The following ZSWIM5 variants were observed in gnomAD, a reference collection of about 807,000 sequenced individuals.
ZSWIM5 encodes zinc finger SWIM-type containing 5.
Under a neutral mutation model 119.6 loss-of-function variants are expected in ZSWIM5, and 55 were observed. The ratio of observed to expected loss-of-function variants is 0.46; its 90% CI spans 0.37 to 0.58. The LOEUF (loss-of-function observed/expected upper bound fraction) is 0.58. Among genes scored for constraint, ZSWIM5 ranks in the 20% least tolerant of loss-of-function variants. The pLI is 0.00. For missense variants in ZSWIM5, 1,193 were observed against 1,512.8 expected, an observed-to-expected ratio of 0.79 and a Z score of 3.51; for synonymous variants, 537 against 606.9, an observed-to-expected ratio of 0.88 and a Z score of 1.69.
At chr1:45,084,298 C>T (rs1645311959) in intron 2 of ZSWIM5, among the ~76,000 whole-genome samples, 2 of 152,160 alleles carry the variant, frequency 1.3e-5, no homozygotes, top group South Asian at 4.1e-4. Context: ...GATCCAATCA[C>T]CTCCCATCAG....
chr1:45,076,574 T>C (rs1172434308), intron 2 of ZSWIM5, among the ~76,000 whole-genome samples: 3 of 152,174 alleles, frequency 2.0e-5, no homozygotes, highest in Non-Finnish European at 1.5e-5. Flanking sequence ...TGTCTTGAAG[T>C]AGTCTTCTTT....
intron 8 of ZSWIM5, 78 bp from the exon 9 acceptor site, chr1:45,036,377 CAG>C: frequency 1.4e-6 from 2 of 1,456,168 alleles, no homozygotes; most frequent in Admixed American, 2.4e-5. Flanking sequence ...TTTTTTGAGA[CAG>C]AGTCTTGCTC....
chr1:45,143,570 G>A (rs1645743157), intron 1 of ZSWIM5, among the ~76,000 whole-genome samples: 1 of 152,098 alleles, frequency 6.6e-6, no homozygotes, highest in Admixed American at 6.5e-5. Context: ...ATACTAAATG[G>A]TGAAAGACTC....
chr1:45,046,336 A>G (rs900972872), intron 5 of ZSWIM5, among the ~76,000 whole-genome samples: 8 of 152,180 alleles, frequency 5.3e-5, no homozygotes, highest in Non-Finnish European at 7.3e-5. Flanking sequence ...CAGAGAAATA[A>G]AGAGTGGAGA....
intron 1 of ZSWIM5, among the ~76,000 whole-genome samples, chr1:45,138,566 A>C (rs539375335): frequency 6.6e-6 from 1 of 152,090 alleles, no homozygotes; most frequent in South Asian, 2.1e-4. Flanking sequence ...GAGATTTGCA[A>C]CCCACACATA....
intron 1 of ZSWIM5, among the ~76,000 whole-genome samples, chr1:45,173,076 G>A (rs1246260513): frequency 6.6e-6 from 1 of 151,986 alleles, no homozygotes; most frequent in African/African-American, 2.4e-5. Flanking sequence ...GAGGCAGGAG[G>A]ATTGCTTAAG....
At chr1:45,023,400 G>A (rs950418834) in intron 11 of ZSWIM5, among the ~76,000 whole-genome samples, 2 of 149,062 alleles carry the variant, frequency 1.3e-5, no homozygotes, top group Non-Finnish European at 3.0e-5. Flanking sequence ...AAAGACTAGT[G>A]TGATAATACA....
intron 1 of ZSWIM5, among the ~76,000 whole-genome samples, chr1:45,103,367 CTGT>C (rs1176085487): frequency 6.6e-6 from 1 of 152,152 alleles, no homozygotes; most frequent in Admixed American, 6.5e-5. Flanking sequence ...AAAGTAGATT[CTGT>C]TGTTATTTCC....
chr1:45,183,966 T>C (rs889291667), intron 1 of ZSWIM5, among the ~76,000 whole-genome samples: 2 of 152,130 alleles, frequency 1.3e-5, no homozygotes, highest in African/African-American at 4.8e-5. Flanking sequence ...TTTAGACCAA[T>C]ATCCTTGATG....
At chr1:45,136,464 T>C (rs958214144) in intron 1 of ZSWIM5, among the ~76,000 whole-genome samples, 3 of 152,148 alleles carry the variant, frequency 2.0e-5, no homozygotes, top group African/African-American at 4.8e-5. Context: ...ACTACAGACA[T>C]GGAAGGTCTT....
chr1:45,123,127 A>G (rs79455529), intron 1 of ZSWIM5, among the ~76,000 whole-genome samples: 1 of 152,228 alleles, frequency 6.6e-6, no homozygotes, highest in Non-Finnish European at 1.5e-5. Context: ...CTCTGCCACA[A>G]GAGTATCAGA....
chr1:45,115,077 C>T (rs970368222), intron 1 of ZSWIM5, among the ~76,000 whole-genome samples: 4 of 152,254 alleles, frequency 2.6e-5, no homozygotes, highest in Non-Finnish European at 5.9e-5. Flanking sequence ...TCCGATTTCT[C>T]TTTCTTTTCC....
At chr1:45,181,080 C>T (rs1397148351) in intron 1 of ZSWIM5, among the ~76,000 whole-genome samples, 6 of 152,060 alleles carry the variant, frequency 3.9e-5, no homozygotes, top group Admixed American at 6.6e-5. Context: ...CAAAGCTGGA[C>T]GGAGAATGAC....
At chr1:45,071,454 C>CTTTTTTTTTTT (rs58028758) in intron 2 of ZSWIM5, among the ~76,000 whole-genome samples, 14 of 93,734 alleles carry the variant, frequency 1.5e-4, no homozygotes, top group East Asian at 3.4e-4. Flanking sequence ...GACAGAATCT[C>CTTTTTTTTTTT]TTTTTTTTTT....
rs568824399 is a variant in ZSWIM5, at chr1:45,079,818, G to C, written c.952+8063C>G. Among the ~76,000 whole-genome samples, 5 of 152,224 alleles carry C rather than the reference G, an allele frequency of 3.3e-5. No homozygotes were observed. The South Asian group carries it at 6.2e-4, about 19-fold the overall frequency. On this transcript the variant is annotated intron_variant, in intron 2 of 13. Coordinates refer to ENST00000359600, the MANE Select transcript of ZSWIM5 (RefSeq NM_020883.2). The stretch of plus-strand genomic sequence containing the variant: ...CTGCTGGTTATTCAGGGCCCCCAGT[G>C]CTCTTCAGCTAGCAGGCAATGAATC...
intron 2 of ZSWIM5, among the ~76,000 whole-genome samples, chr1:45,071,023 G>A (rs1161884350): frequency 6.6e-6 from 1 of 151,718 alleles, no homozygotes; most frequent in Non-Finnish European, 1.5e-5. Flanking sequence ...ATATTTATGG[G>A]GTACATGAGA....
intron 2 of ZSWIM5, among the ~76,000 whole-genome samples, chr1:45,085,448 C>T (rs561908953): frequency 2.0e-5 from 3 of 152,050 alleles, no homozygotes; most frequent in South Asian, 2.1e-4. Flanking sequence ...TTCTACCATA[C>T]GGCCAGGCTG....
chr1:45,081,301 G>C (rs564867112), intron 2 of ZSWIM5, among the ~76,000 whole-genome samples: 5 of 146,260 alleles, frequency 3.4e-5, no homozygotes, highest in Admixed American at 2.7e-4. Flanking sequence ...TCTCCCCATG[G>C]TCTCCCTCTC....
intron 2 of ZSWIM5, among the ~76,000 whole-genome samples, chr1:45,081,547 G>A (rs1052820842): frequency 2.9e-4 from 44 of 152,244 alleles, no homozygotes; most frequent in Non-Finnish European, 6.0e-4. Context: ...TCCTAACCGC[G>A]AGTGATCCGC....
Sources: allele counts gnomAD v4.1 joint callset (sites outside exome capture counted in the v4.1 genomes callset), GRCh38; gene constraint gnomAD v4.1.1; transcripts MANE v1.5; gene names NCBI Gene and HGNC (gene_info 2026-07-23, HGNC 2026-07-21).